The following EPB41L5 variants were observed in gnomAD, a reference collection of about 807,000 sequenced individuals.
The protein encoded by EPB41L5 is band 4.1-like protein 5.
In EPB41L5, 55 loss-of-function variants were observed where a neutral mutation model predicts 106.6. That is an observed-to-expected ratio of 0.52 (90% CI 0.42 to 0.65). The LOEUF is 0.65. EPB41L5 is among the 30% of genes least tolerant of loss of function. EPB41L5 has a pLI of 0.00. For missense variants in EPB41L5, 871 were observed against 882.1 expected (o/e 0.99, Z 0.16); for synonymous variants, 297 against 306.7 (o/e 0.97, Z 0.33).
chr2:120,173,962 C>T (rs944441543), intron 24 of EPB41L5, among the ~76,000 whole-genome samples: 8 of 152,206 alleles, frequency 5.3e-5, no homozygotes, highest in Non-Finnish European at 7.3e-5. Flanking sequence ...TGCAGGCGTG[C>T]GCCACCTTAC....
intron 16 of EPB41L5, among the ~76,000 whole-genome samples, chr2:120,109,912 G>C (rs1420484234): frequency 6.6e-6 from 1 of 152,228 alleles, no homozygotes; most frequent in East Asian, 1.9e-4. Context: ...TACTGTACAA[G>C]AGTGCCACAT....
intron 18 of EPB41L5, among the ~76,000 whole-genome samples, chr2:120,132,583 C>G (rs997759413): frequency 6.6e-6 from 1 of 152,072 alleles, no homozygotes; most frequent in African/African-American, 2.4e-5. Flanking sequence ...CTTTTTTTCC[C>G]CTTTCTTTCT....
At chr2:120,020,334 G>A (rs1251028304) in intron 2 of EPB41L5, among the ~76,000 whole-genome samples, 3 of 152,104 alleles carry the variant, frequency 2.0e-5, no homozygotes, top group Non-Finnish European at 2.9e-5. Context: ...GAATTGGAGA[G>A]TTTGTTTAAA....
In EPB41L5 at chr2:120,018,289, A is replaced by T. The variant is rs375958810; in HGVS notation, c.-8-788A>T. 6.6e-5 allele frequency among the ~76,000 whole-genome samples: 10 copies of T among 152,134 alleles called. No homozygotes were observed. In the East Asian group the frequency reaches 7.7e-4, roughly 12 times the overall value. Reference sequence around the variant, plus strand: ...GCCACTTCTCAGAATTTTTATGATCATCAAAGGATACCTTAGTGTCTGACA... The same window carrying T: ...GCCACTTCTCAGAATTTTTATGATCTTCAAAGGATACCTTAGTGTCTGACA... On this transcript the variant is annotated intron_variant, in intron 1 of 24. Coordinates refer to ENST00000263713, the MANE Select transcript of EPB41L5 (RefSeq NM_020909.4).
chr2:120,025,565 TAAC>T (rs1468882670), intron 2 of EPB41L5, among the ~76,000 whole-genome samples: 2 of 152,328 alleles, frequency 1.3e-5, no homozygotes, highest in East Asian at 3.9e-4. Context: ...GGTTAATAGA[TAAC>T]AATTTTTATA....
At chr2:120,111,517 C>T (rs924007945) in intron 16 of EPB41L5, among the ~76,000 whole-genome samples, 5 of 152,188 alleles carry the variant, frequency 3.3e-5, no homozygotes, top group Admixed American at 1.3e-4. Flanking sequence ...TTGAGAAGCA[C>T]TGACTTAGAC....
intron 3 of EPB41L5, among the ~76,000 whole-genome samples, chr2:120,048,676 T>C (rs1680000550): frequency 6.6e-6 from 1 of 152,210 alleles, no homozygotes; most frequent in Admixed American, 6.5e-5. Context: ...ATCTTAGTTA[T>C]TTCTTGCCTT....
Position 120,176,866 on chromosome 2 carries a change from A to C in EPB41L5, c.*1959A>C, listed in dbSNP as rs1346349050. The stretch of plus-strand genomic sequence containing the variant: ...ACAACATCCTTATTTTAAACTTCCT[A>C]AAATTAGGAATTAGGTAGTTGGACA... On this transcript the variant is annotated 3_prime_UTR_variant, in exon 25 of 25. Coordinates refer to ENST00000263713, the MANE Select transcript of EPB41L5 (RefSeq NM_020909.4). The C allele has an allele frequency of 6.6e-6, 1 of 152,230 alleles. No homozygotes were observed. Among genetic ancestry groups the C allele is most frequent in the Non-Finnish European group, 1.5e-5 (1 of 68,040 alleles). The allele number at this position is 152,230 out of a possible 1,614,324, so 9.4% of individuals were successfully genotyped here.
chr2:120,087,282 T>C (rs955319074), intron 11 of EPB41L5, 42 bp downstream of exon 11: 17 of 1,173,154 alleles, frequency 1.4e-5, no homozygotes, highest in Non-Finnish European at 2.0e-5. Flanking sequence ...TAACAGTGAC[T>C]GTATTATGTG....
At chr2:120,015,919 A>C (rs1677485916) in intron 1 of EPB41L5, among the ~76,000 whole-genome samples, 2 of 151,952 alleles carry the variant, frequency 1.3e-5, no homozygotes, top group Admixed American at 6.6e-5. Context: ...AAAAAAAAAA[A>C]AAAAAAACAT....
chr2:120,033,630 C>T (rs1170030071), intron 2 of EPB41L5, among the ~76,000 whole-genome samples: 2 of 148,872 alleles, frequency 1.3e-5, no homozygotes, highest in African/African-American at 5.0e-5. Context: ...TTGCTTGAAC[C>T]TGGGGAGGTG....
At chr2:120,031,769 G>A (rs931326642) in intron 2 of EPB41L5, among the ~76,000 whole-genome samples, 22 of 152,072 alleles carry the variant, frequency 1.4e-4, no homozygotes, top group Admixed American at 8.5e-4. Context: ...TACAGAGGAA[G>A]CAGGATTTAT....
intron 2 of EPB41L5, among the ~76,000 whole-genome samples, chr2:120,034,210 T>C (rs976489856): frequency 4.6e-5 from 7 of 152,230 alleles, no homozygotes; most frequent in Non-Finnish European, 1.0e-4. Flanking sequence ...CTTGAAAAGG[T>C]TTTTGTTCTG....
chr2:120,151,054 G>A (rs142779889), intron 20 of EPB41L5, among the ~76,000 whole-genome samples: 13 of 152,218 alleles, frequency 8.5e-5, no homozygotes. Context: ...TGGGCATGGT[G>A]GCTTATGCCT....
At position 120,167,983 on chromosome 2, in the gene EPB41L5, C is replaced by T. The variant is rs1424061790; in HGVS notation, c.2111C>T (p.Pro704Leu). The T allele has an allele frequency of 6.2e-7, 1 of 1,614,084 alleles. No individual in the cohort carries two copies. Among genetic ancestry groups the T allele is most frequent in the East Asian group, 2.2e-5 (1 of 44,886 alleles). The change falls in exon 24 of 25, where the codon CCA (proline) becomes CTA (leucine). Residue 704 changes from proline to leucine, a missense_variant. Pro to Leu is a moderately conservative substitution (Grantham distance 98). Coordinates refer to ENST00000263713, the MANE Select transcript of EPB41L5 (RefSeq NM_020909.4). ...DGISLISPPA[P>L]FLVDAVTSSG... The stretch of plus-strand genomic sequence containing the variant: ...ATCTCACTGATCTCTCCCCCAGCGC[C>T]ATTCTTGGTAGATGCTGTGACCAGG...
chr2:120,046,169 C>A (rs1423437418), intron 3 of EPB41L5, among the ~76,000 whole-genome samples: 1 of 152,074 alleles, frequency 6.6e-6, no homozygotes, highest in Non-Finnish European at 1.5e-5. Context: ...TGAGTATATA[C>A]CCAGTAATGG....
chr2:120,077,494 G>T (rs924914049), intron 9 of EPB41L5, among the ~76,000 whole-genome samples, 178 bp downstream of exon 9: 1 of 152,150 alleles, frequency 6.6e-6, no homozygotes, highest in African/African-American at 2.4e-5. Context: ...TCACAGAAAG[G>T]TTCATTATAA....
intron 2 of EPB41L5, among the ~76,000 whole-genome samples, chr2:120,031,694 A>C (rs1200485354): frequency 2.0e-5 from 3 of 152,216 alleles, no homozygotes; most frequent in Non-Finnish European, 4.4e-5. Context: ...TGTTGCCTAA[A>C]CATGATAGAC....
chr2:120,147,624 CAAAAAAAAAAA>C (rs60980401), intron 20 of EPB41L5, among the ~76,000 whole-genome samples: 3 of 75,580 alleles, frequency 4.0e-5, no homozygotes, highest in Admixed American at 3.1e-4. Context: ...AACTCTGTCT[CAAAAAAAAAAA>C]AAAAAAAAAA....
Sources: gnomAD v4.1 joint callset for allele counts (sites outside exome capture counted in the v4.1 genomes callset) on GRCh38, gnomAD v4.1.1 for gene constraint, MANE v1.5 for transcripts, NCBI Gene and HGNC (gene_info 2026-07-23, HGNC 2026-07-21) for gene names.